The following CADM3 variants were observed in gnomAD, a reference collection of about 807,000 sequenced individuals.
CADM3 encodes TSLC1-like 1.
CADM3 carries 11 observed loss-of-function variants against 44.9 expected under a neutral mutation model. That is an observed-to-expected ratio of 0.25 (90% CI 0.15 to 0.41). CADM3 has a LOEUF of 0.41. CADM3 is among the 10% of genes least tolerant of loss of function. CADM3 has a pLI of 1.00. For missense variants in CADM3, 426 were observed against 512.0 expected (o/e 0.83, Z 1.62); for synonymous variants, 207 against 205.2 (o/e 1.01, Z -0.08).
At chr1:159,180,190 T>C (rs1278109965) in intron 1 of CADM3, among the ~76,000 whole-genome samples, 2 of 152,146 alleles carry the variant, frequency 1.3e-5, no homozygotes, top group East Asian at 1.9e-4. Flanking sequence ...TATGGTATTC[T>C]GGAAGTAAGG....
At position 159,178,830 on chromosome 1, in the gene CADM3, G is replaced by A. The variant is rs1649126268; in HGVS notation, c.88+6977G>A. On this transcript the variant is annotated intron_variant, in intron 1 of 8. Transcript: ENST00000368125. ...TTCACATCGCATCAGAACTACACAA[G>A]CTTCTCATCCCCTAAATGCTGATTT... is the stretch of plus-strand genomic sequence containing the variant. Among the ~76,000 whole-genome samples the A allele has an allele frequency of 2.0e-5, 3 of 152,144 alleles. No individual in the cohort carries two copies. The South Asian group carries it at 6.2e-4, about 32-fold the overall frequency.
At chr1:159,186,408 A>G (rs1649419667) in intron 1 of CADM3, among the ~76,000 whole-genome samples, 1 of 152,190 alleles carries the variant, frequency 6.6e-6, no homozygotes. Context: ...GCCTTCTCTC[A>G]CTAATGGTTG....
At chr1:159,193,344 G>T (rs1649747237) in intron 3 of CADM3, 79 bp from the exon 4 acceptor site, 2 of 1,425,666 alleles carry the variant, frequency 1.4e-6, no homozygotes, top group Admixed American at 2.3e-5. Context: ...ACGCAGAGAA[G>T]CCATCTCCAC....
At position 159,189,734 on chromosome 1, in the gene CADM3, A is replaced by G. The variant is rs891389893; in HGVS notation, c.89-2202A>G. On this transcript the variant is annotated intron_variant, in intron 1 of 8. Coordinates refer to ENST00000368125, the MANE Select transcript of CADM3 (RefSeq NM_001127173.3). ...AGAGCCCCACACTGTAGCAGGATAC[A>G]TGTAGGGCTCATGCTTGATGGAGAT... The G allele has an allele frequency of 3.5e-6, 5 of 1,446,370 alleles. No homozygotes were observed. In the African/African-American group the frequency reaches 4.2e-5, roughly 12 times the overall value. The allele number at this position is 1,446,370 out of a possible 1,614,324, so 89.6% of individuals were successfully genotyped here. A position where few individuals can be genotyped will look rare whatever the true frequency, so the allele number is the denominator to read the frequency against.
At chr1:159,177,927 G>T (rs1189725028) in intron 1 of CADM3, among the ~76,000 whole-genome samples, 1 of 152,160 alleles carries the variant, frequency 6.6e-6, no homozygotes, top group African/African-American at 2.4e-5. Context: ...ATATACAGTT[G>T]TACTTTGGTA....
At chr1:159,189,670 C>A (rs560629981) in intron 1 of CADM3, 2 of 852,666 alleles carry the variant, frequency 2.3e-6, no homozygotes, top group East Asian at 2.9e-5. Context: ...CTATTTTTCA[C>A]AGGGACCTAG....
intron 5 of CADM3, chr1:159,194,387 A>G (rs1649804658): frequency 5.2e-6 from 1 of 192,962 alleles, no homozygotes; most frequent in East Asian, 1.3e-4. Context: ...CCAAGGGGAT[A>G]CCAACCCGTG....
intron 1 of CADM3, among the ~76,000 whole-genome samples, chr1:159,189,121 A>T (rs955528927): frequency 9.2e-5 from 14 of 152,194 alleles, no homozygotes; most frequent in African/African-American, 3.1e-4. Context: ...TGTTTCTTCA[A>T]TGGTGGGAGT....
In CADM3 at chr1:159,200,793, T is replaced by G; in HGVS notation, c.1079-11T>G. The G allele has an allele frequency of 6.3e-7, 1 of 1,582,260 alleles. No homozygotes were observed. The highest frequency in any genetic ancestry group is 8.6e-7 in the Non-Finnish European group (1 of 1,164,048). ...CTGCTCCTGAGAGGAGAAGCCTCTG[T>G]CTCTACACAGGAACCTACCTGACAC... is the stretch of plus-strand genomic sequence containing the variant. On this transcript the variant is annotated splice_polypyrimidine_tract_variant and intron_variant, in intron 8 of 8. Coordinates refer to ENST00000368125, the MANE Select transcript of CADM3 (RefSeq NM_001127173.3).
chr1:159,175,464 C>T (rs1335449236), intron 1 of CADM3, among the ~76,000 whole-genome samples: 2 of 152,218 alleles, frequency 1.3e-5, no homozygotes, highest in Non-Finnish European at 2.9e-5. Context: ...TCCTCTAGGG[C>T]AGCAGTTTTC....
intron 3 of CADM3, 67 bp downstream of exon 3, chr1:159,192,797 C>G (rs1286220112): frequency 2.7e-6 from 4 of 1,508,662 alleles, no homozygotes; most frequent in Non-Finnish European, 2.7e-6. Context: ...CTAGATGGGT[C>G]CCTGAAGCAG....
intron 5 of CADM3, 80 bp downstream of exon 5, chr1:159,194,120 A>C: frequency 7.1e-7 from 1 of 1,405,750 alleles, no homozygotes; most frequent in Admixed American, 2.0e-5. Flanking sequence ...GTGACTGTGC[A>C]TGAAACAACA....
intron 2 of CADM3, 73 bp downstream of exon 2, chr1:159,192,149 A>G (rs1649693656): frequency 2.0e-6 from 3 of 1,499,526 alleles, no homozygotes. Flanking sequence ...ACCGAGGGGA[A>G]CTGTTCCTGT....
At chr1:159,189,692 TGCCCAGCAATGAAAGTAGA>T in intron 1 of CADM3, 2 of 1,092,514 alleles carry the variant, frequency 1.8e-6, no homozygotes, top group Non-Finnish European at 2.7e-6. Flanking sequence ...CTTTCCCACA[TGCCCAGCAATGAAAGTAGA>T]GCCCCACACT....
At chr1:159,173,137 C>G (rs1467094270) in intron 1 of CADM3, among the ~76,000 whole-genome samples, 1 of 148,270 alleles carries the variant, frequency 6.7e-6, no homozygotes, top group Non-Finnish European at 1.5e-5. Context: ...CAGATGCCAA[C>G]GAAAAACAGA....
At chr1:159,195,535 A>G (rs1649851765) in intron 5 of CADM3, 1 of 152,224 alleles carries the variant, frequency 6.6e-6, no homozygotes, top group African/African-American at 2.4e-5. Context: ...CAGTCAGTCA[A>G]CAAATGCTAT....
intron 8 of CADM3, 134 bp downstream of exon 8, chr1:159,200,010 A>C: frequency 2.5e-6 from 3 of 1,185,412 alleles, no homozygotes; most frequent in Non-Finnish European, 3.6e-6. Context: ...TTAGGGAATT[A>C]AAAATGGAGC....
chr1:159,197,860 AT>A (rs1292598360), intron 7 of CADM3: 1 of 152,242 alleles, frequency 6.6e-6, no homozygotes, highest in Non-Finnish European at 1.5e-5. Flanking sequence ...CCTCCCAGCG[AT>A]AAGAGGTCTG....
chr1:159,198,695 A>G (rs1225685742), intron 7 of CADM3, among the ~76,000 whole-genome samples: 1 of 152,094 alleles, frequency 6.6e-6, no homozygotes, highest in Non-Finnish European at 1.5e-5. Flanking sequence ...TGGGAGAGTT[A>G]TGTCTATGGC....
Sources: allele counts gnomAD v4.1 joint callset (sites outside exome capture counted in the v4.1 genomes callset), GRCh38; gene constraint gnomAD v4.1.1; transcripts MANE v1.5; gene names NCBI Gene and HGNC (gene_info 2026-07-23, HGNC 2026-07-21).